The following SLCO1C1 variants were observed in gnomAD, a reference collection of about 807,000 sequenced individuals.
SLCO1C1 encodes the protein solute carrier organic anion transporter family member 1C1.
In SLCO1C1, 70 loss-of-function variants were observed where a neutral mutation model predicts 76.4. The ratio of observed to expected loss-of-function variants is 0.92; its 90% CI spans 0.76 to 1.12. The LOEUF (loss-of-function observed/expected upper bound fraction) is 1.12, where lower values mean the gene tolerates loss of function less well. SLCO1C1 is among the 50% of genes most tolerant of loss of function. SLCO1C1 has a pLI of 0.00. For synonymous variants in SLCO1C1, 306 were observed against 286.1 expected, an observed-to-expected ratio of 1.07 and a Z score of -0.70; for missense variants, 912 against 823.8, an observed-to-expected ratio of 1.11 and a Z score of -1.31.
At position 20,722,293 on chromosome 12, in the gene SLCO1C1, C is replaced by T. The variant is rs117220522; in HGVS notation, c.1021+244C>T. ...CCTCTCACACCTCCTCAGTTTAGAT[C>T]CTACCATTGTCTCTACCCAGGATTG... On this transcript the variant is annotated intron_variant, in intron 8 of 14. Transcript: ENST00000266509. 7.8e-4 allele frequency among the ~76,000 whole-genome samples: 119 copies of T among 152,336 alleles called. 1 individual carries two copies. Among genetic ancestry groups the T allele is most frequent in the Middle Eastern group, 6.8e-3 (2 of 294 alleles).
chr12:20,720,963 C>G (rs1490549204), intron 7 of SLCO1C1, among the ~76,000 whole-genome samples: 2 of 144,786 alleles, frequency 1.4e-5, no homozygotes, highest in Non-Finnish European at 3.0e-5. Context: ...CGCCATTGCA[C>G]TCCAGCCTGG....
chr12:20,735,037 T>G (rs1348811646), intron 10 of SLCO1C1, among the ~76,000 whole-genome samples: 1 of 152,196 alleles, frequency 6.6e-6, no homozygotes, highest in Non-Finnish European at 1.5e-5. Flanking sequence ...AATTCTAAAT[T>G]ACAAATCTAC....
intron 7 of SLCO1C1, among the ~76,000 whole-genome samples, chr12:20,720,722 G>A (rs1592266310): frequency 1.3e-5 from 2 of 152,210 alleles, no homozygotes; most frequent in Non-Finnish European, 2.9e-5. Context: ...AACAGGCTGG[G>A]CGCGGTGGCT....
chr12:20,711,278 A>G, intron 4 of SLCO1C1, 108 bp from the exon 5 acceptor site: 2 of 1,263,938 alleles, frequency 1.6e-6, no homozygotes, highest in Non-Finnish European at 2.2e-6. Flanking sequence ...AGGTTCAGAG[A>G]CAGCTGCAAG....
At chr12:20,719,178 T>C (rs1236562458) in intron 7 of SLCO1C1, among the ~76,000 whole-genome samples, 1 of 151,676 alleles carries the variant, frequency 6.6e-6, no homozygotes, top group Admixed American at 6.6e-5. Context: ...TTGATGTTAG[T>C]ATTGTAATTG....
chr12:20,715,280 A>C lies in SLCO1C1; in HGVS notation c.671A>C (p.Tyr224Ser). ...DFASEDNAAF[Y>S]IGCVQTVAII... ...GCCAGTGAAGACAATGCAGCTTTCT[A>C]TATTGGTAATATTGGCATATTGCTT... The change falls in exon 6 of 15, where the codon TAT (tyrosine) becomes TCT (serine). Residue 224 changes from tyrosine (Y) to serine (S), a missense_variant. Tyr to Ser is a moderately radical substitution (Grantham distance 144, BLOSUM62 -2). Transcript: ENST00000266509. 1.2e-6 allele frequency: 2 copies of C among 1,613,424 alleles called. No homozygotes were observed.
intron 8 of SLCO1C1, 114 bp downstream of exon 8, chr12:20,722,163 C>T: frequency 7.4e-7 from 1 of 1,360,234 alleles, no homozygotes; most frequent in Non-Finnish European, 9.7e-7. Flanking sequence ...GAAACCATAT[C>T]AGAAGCAAAA....
chr12:20,713,119 G>A (rs1425618567), intron 5 of SLCO1C1, among the ~76,000 whole-genome samples: 4 of 144,240 alleles, frequency 2.8e-5, no homozygotes, highest in African/African-American at 1.0e-4. Context: ...TCGCTCTGTC[G>A]CCCAGGCTGG....
At chr12:20,701,608 T>C (rs555843811) in intron 3 of SLCO1C1, 149 bp downstream of exon 3, 1 of 700,234 alleles carries the variant, frequency 1.4e-6, no homozygotes, top group African/African-American at 1.9e-5. Context: ...TACCATGATC[T>C]TATTCTACAG....
chr12:20,730,099 T>C (rs891853152), intron 9 of SLCO1C1, among the ~76,000 whole-genome samples: 10 of 152,144 alleles, frequency 6.6e-5, no homozygotes, highest in Admixed American at 4.6e-4. Flanking sequence ...CCAGGTTCAA[T>C]TGGTACTTTA....
intron 3 of SLCO1C1, among the ~76,000 whole-genome samples, chr12:20,704,889 T>C (rs1244691078): frequency 6.6e-6 from 1 of 151,952 alleles, no homozygotes; most frequent in Non-Finnish European, 1.5e-5. Flanking sequence ...TAAATATAGC[T>C]AAAGCTTTAA....
Position 20,713,703 on chromosome 12 carries a change from C to T in SLCO1C1, c.530-1436C>T, listed in dbSNP as rs541875516. On this transcript the variant is annotated intron_variant, in intron 5 of 14. Coordinates refer to ENST00000266509, the MANE Select transcript of SLCO1C1 (RefSeq NM_017435.5). ...ACAGCAGAGCTGTCCACAGAACTAT[C>T]TGTGATGATCGGAATGTCTTATATC... 2.0e-5 allele frequency among the ~76,000 whole-genome samples: 3 copies of T among 152,334 alleles called. No individual in the cohort carries two copies. The South Asian group carries it at 6.2e-4, about 32-fold the overall frequency.
At chr12:20,711,690 A>G (rs1592243150) in intron 5 of SLCO1C1, among the ~76,000 whole-genome samples, 180 bp downstream of exon 5, 1 of 127,040 alleles carries the variant, frequency 7.9e-6, no homozygotes, top group African/African-American at 2.9e-5. Flanking sequence ...GATCCTAAGA[A>G]AATATACCAG....
At chr12:20,706,931 A>G (rs185681677) in intron 4 of SLCO1C1, among the ~76,000 whole-genome samples, 1 of 152,268 alleles carries the variant, frequency 6.6e-6, no homozygotes, top group Admixed American at 6.5e-5. Context: ...ATTTCAAGTG[A>G]TACTTTATTG....
chr12:20,751,071 G>A (rs1190909139), intron 14 of SLCO1C1, among the ~76,000 whole-genome samples: 2 of 152,204 alleles, frequency 1.3e-5, no homozygotes, highest in Middle Eastern at 3.4e-3. Flanking sequence ...GAAAGTTTAT[G>A]CACACAAATG....
chr12:20,715,041 A>C (rs1467814152), intron 5 of SLCO1C1, 98 bp from the exon 6 acceptor site: 4 of 1,444,600 alleles, frequency 2.8e-6, no homozygotes, highest in Admixed American at 4.2e-5. Context: ...AAACTCCTGC[A>C]TTCTAGTTCA....
chr12:20,725,280 A>G (rs949446250), intron 9 of SLCO1C1, among the ~76,000 whole-genome samples: 1 of 142,062 alleles, frequency 7.0e-6, no homozygotes, highest in Non-Finnish European at 1.5e-5. Flanking sequence ...AATATAATAT[A>G]TATTATATTA....
At chr12:20,730,146 G>C (rs75796639) in intron 9 of SLCO1C1, among the ~76,000 whole-genome samples, 4,442 of 152,184 alleles carry the variant, frequency 0.029, 221 homozygotes, top group African/African-American at 0.1. Context: ...TGCTCTGAAG[G>C]TTTCAGTTCG....
Position 20,750,748 on chromosome 12 carries a change from T to A in SLCO1C1, c.1872T>A (p.Cys624Ter). Residue 624 changes from cysteine (C) to a stop codon, truncating the protein, a stop_gained, in exon 14 of 15, where the codon TGT (cysteine) becomes TGA (stop). Transcript: ENST00000266509. LOFTEE classifies it low-confidence loss of function (END_TRUNC). ...TSCLKWGFKRCGSRGSCRLYD... is the reference protein window; with the variant it reads ...TSCLKWGFKR ...GCCTCAAATGGGGATTTAAAAGATG[T>A]GGAAGTAGAGGATCATGCAGATTAT... 1.2e-6 allele frequency: 2 copies of A among 1,614,024 alleles called. No homozygotes were observed. The highest frequency in any genetic ancestry group is 1.7e-6 in the Non-Finnish European group (2 of 1,179,926).
Sources: allele counts gnomAD v4.1 joint callset (sites outside exome capture counted in the v4.1 genomes callset), GRCh38; gene constraint gnomAD v4.1.1; transcripts MANE v1.5; gene names NCBI Gene and HGNC (gene_info 2026-07-23, HGNC 2026-07-21).